Variants in EYS observed in about 807,000 individuals in gnomAD.
The protein encoded by EYS is protein eyes shut homolog.
Under a neutral mutation model 282.1 loss-of-function variants are expected in EYS, and 250 were observed. That is an observed-to-expected ratio of 0.89 (90% CI 0.80 to 0.98). The LOEUF (loss-of-function observed/expected upper bound fraction) is 0.98. Ranked by LOEUF, EYS falls within the 50% of genes least tolerant of loss-of-function variation. EYS has a pLI of 0.00. For missense variants in EYS, 4,016 were observed against 3,709.0 expected, an observed-to-expected ratio of 1.08 and a Z score of -2.15; for synonymous variants, 1,355 against 1,282.9, an observed-to-expected ratio of 1.06 and a Z score of -1.20.
intron 29 of EYS, among the ~76,000 whole-genome samples, chr6:64,367,362 C>A (rs1310625781): frequency 6.6e-6 from 1 of 151,876 alleles, no homozygotes; most frequent in Non-Finnish European, 1.5e-5. Flanking sequence ...AGCAAGGAAA[C>A]CCACAACTAA....
At chr6:63,846,982 T>A (rs1007871776) in intron 36 of EYS, among the ~76,000 whole-genome samples, 1 of 152,188 alleles carries the variant, frequency 6.6e-6, no homozygotes, top group Non-Finnish European at 1.5e-5. Flanking sequence ...TTTTTAGGAA[T>A]ACCTGTAACA....
chr6:65,122,993 AT>A (rs1002546300), intron 12 of EYS, among the ~76,000 whole-genome samples: 1 of 152,122 alleles, frequency 6.6e-6, no homozygotes, highest in East Asian at 1.9e-4. Context: ...TTCTAAAAAA[AT>A]AAATACAGAT....
intron 2 of EYS, among the ~76,000 whole-genome samples, chr6:65,596,119 T>C (rs1765395531): frequency 6.6e-6 from 1 of 152,084 alleles, no homozygotes; most frequent in South Asian, 2.1e-4. Flanking sequence ...TTTTGAGGCC[T>C]ACTGTCAGTC....
At chr6:63,794,182 C>T in intron 37 of EYS, among the ~76,000 whole-genome samples, 1 of 152,164 alleles carries the variant, frequency 6.6e-6, no homozygotes, top group Non-Finnish European at 1.5e-5. Flanking sequence ...AATGTGTAAG[C>T]ATTAGCCCAC....
intron 29 of EYS, among the ~76,000 whole-genome samples, chr6:64,326,429 C>A (rs758309247): frequency 3.3e-5 from 5 of 152,180 alleles, no homozygotes; most frequent in Admixed American, 2.0e-4. Context: ...GCCTTTGTTT[C>A]TTCCTTCTGT....
At chr6:65,195,846 T>C (rs1765752912) in intron 12 of EYS, among the ~76,000 whole-genome samples, 1 of 152,066 alleles carries the variant, frequency 6.6e-6, no homozygotes, top group Admixed American at 6.6e-5. Context: ...TCTCTGTGTT[T>C]AAAATGACTT....
intron 35 of EYS, among the ~76,000 whole-genome samples, chr6:63,900,236 A>T (rs1773626754): frequency 6.6e-6 from 1 of 152,204 alleles, no homozygotes; most frequent in Non-Finnish European, 1.5e-5. Context: ...TAACAATAAA[A>T]ATGCAATAAC....
chr6:65,070,527 T>A (rs1773872792), intron 12 of EYS, among the ~76,000 whole-genome samples: 1 of 151,666 alleles, frequency 6.6e-6, no homozygotes. Context: ...TAATTTTAAT[T>A]TTTTTTTGTT....
intron 22 of EYS, among the ~76,000 whole-genome samples, chr6:64,708,795 A>G (rs988604517): frequency 6.6e-6 from 1 of 152,200 alleles, no homozygotes; most frequent in East Asian, 1.9e-4. Flanking sequence ...ACTAAAACAA[A>G]TGTGAAGTTG....
chr6:64,535,303 T>C (rs554629534), intron 26 of EYS, among the ~76,000 whole-genome samples: 1 of 152,190 alleles, frequency 6.6e-6, no homozygotes, highest in Non-Finnish European at 1.5e-5. Flanking sequence ...ATTAATATAC[T>C]CCTGAAATAA....
At chr6:64,576,647 T>A (rs1357749709) in intron 26 of EYS, among the ~76,000 whole-genome samples, 1 of 152,104 alleles carries the variant, frequency 6.6e-6, no homozygotes, top group African/African-American at 2.4e-5. Flanking sequence ...AAAAATCTTG[T>A]ATTTCTTTTA....
chr6:65,382,983 C>T (rs1765673992), intron 8 of EYS, among the ~76,000 whole-genome samples: 1 of 151,906 alleles, frequency 6.6e-6, no homozygotes, highest in African/African-American at 2.4e-5. Flanking sequence ...CATGCTAGTA[C>T]CACATTGCCT....
intron 2 of EYS, among the ~76,000 whole-genome samples, chr6:65,513,235 A>G (rs1421962321): frequency 6.6e-6 from 1 of 152,180 alleles, no homozygotes; most frequent in Admixed American, 6.5e-5. Context: ...CCAAGACTAA[A>G]CCAGGAAGAA....
At chr6:63,940,769 G>C (rs1318348861) in intron 35 of EYS, among the ~76,000 whole-genome samples, 1 of 150,770 alleles carries the variant, frequency 6.6e-6, no homozygotes, top group Non-Finnish European at 1.5e-5. Flanking sequence ...GTGCCATGTT[G>C]GTGTGCTACA....
intron 12 of EYS, among the ~76,000 whole-genome samples, chr6:65,093,471 A>G (rs1324433356): frequency 6.6e-6 from 1 of 152,010 alleles, no homozygotes; most frequent in East Asian, 1.9e-4. Context: ...TGTATACACA[A>G]TATAAAATAG....
chr6:65,324,676 A>G (rs1394926114), intron 11 of EYS, among the ~76,000 whole-genome samples: 1 of 152,112 alleles, frequency 6.6e-6, no homozygotes, highest in African/African-American at 2.4e-5. Context: ...AGGACATGAG[A>G]CCATTTGATT....
intron 2 of EYS, among the ~76,000 whole-genome samples, chr6:65,592,551 A>C (rs1332857959): frequency 6.6e-6 from 1 of 152,008 alleles, no homozygotes; most frequent in Non-Finnish European, 1.5e-5. Flanking sequence ...AGTGATTGAC[A>C]TATGCTATCT....
intron 26 of EYS, among the ~76,000 whole-genome samples, chr6:64,488,026 T>C (rs9359957): frequency 0.32 from 47,704 of 150,836 alleles, 7,646 homozygotes; most frequent in East Asian, 0.5. Context: ...TTTAATTACC[T>C]ATGTTATCTG....
At chr6:65,254,947 T>C (rs1767420630) in intron 12 of EYS, among the ~76,000 whole-genome samples, 1 of 151,872 alleles carries the variant, frequency 6.6e-6, no homozygotes, top group South Asian at 2.1e-4. Context: ...ACATATCACT[T>C]GAATTAGTTC....
Sources: allele counts gnomAD v4.1 joint callset (sites outside exome capture counted in the v4.1 genomes callset), GRCh38; gene constraint gnomAD v4.1.1; transcripts MANE v1.5; gene names NCBI Gene and HGNC (gene_info 2026-07-23, HGNC 2026-07-21).